Variants in NBPF9 observed in about 807,000 individuals in gnomAD.
NBPF9 encodes NBPF family member NBPF9.
Under a neutral mutation model 97.8 loss-of-function variants are expected in NBPF9, and 91 were observed. The observed-to-expected ratio is 0.93, with a 90% CI of 0.79 to 1.11. The LOEUF is 1.11. Ranked by LOEUF, NBPF9 falls within the 50% of genes least tolerant of loss-of-function variation. The pLI is 0.00. For missense variants in NBPF9, 992 were observed against 939.5 expected, an observed-to-expected ratio of 1.06 and a Z score of -0.73; for synonymous variants, 334 against 359.5, an observed-to-expected ratio of 0.93 and a Z score of 0.80.
intron 4 of NBPF9, among the ~76,000 whole-genome samples, chr1:149,094,659 T>C (rs2081626529): frequency 6.8e-6 from 1 of 148,146 alleles, no homozygotes; most frequent in Admixed American, 6.6e-5. Flanking sequence ...TAAACAAACT[T>C]TTAGGTTTCT....
intron 12 of NBPF9, among the ~76,000 whole-genome samples, chr1:149,075,157 A>G (rs1349761069): frequency 6.6e-6 from 1 of 151,768 alleles, no homozygotes. Context: ...CACAGGTTCT[A>G]TTAGGAGTAG....
At chr1:149,074,540 G>A (rs1400582348) in intron 12 of NBPF9, among the ~76,000 whole-genome samples, 1 of 151,436 alleles carries the variant, frequency 6.6e-6, no homozygotes, top group Non-Finnish European at 1.5e-5. Context: ...AACAGCTCAT[G>A]TAATTCACTG....
chr1:149,076,848 G>C (rs1362108161), intron 11 of NBPF9, among the ~76,000 whole-genome samples: 1 of 151,572 alleles, frequency 6.6e-6, no homozygotes, highest in African/African-American at 2.4e-5. Flanking sequence ...GAAAAGGAGA[G>C]AGAGTCTAGC....
At chr1:149,070,320 CAAAAAAA>C (rs3979925) in intron 16 of NBPF9, among the ~76,000 whole-genome samples, 44 of 47,810 alleles carry the variant, frequency 9.2e-4, no homozygotes, top group African/African-American at 3.2e-3. Flanking sequence ...GACTCCATCG[CAAAAAAA>C]AAAAAAAAAA....
chr1:149,103,428 T>A, exon 1 of NBPF9: 1 of 152,346 alleles, frequency 6.6e-6, no homozygotes, highest in Non-Finnish European at 1.5e-5. Flanking sequence ...AGCACCGCGT[T>A]CACTCAGAAG....
At chr1:149,078,855 T>C (rs1353735035) in intron 9 of NBPF9, among the ~76,000 whole-genome samples, 152 bp downstream of exon 9, 16 of 151,286 alleles carry the variant, frequency 1.1e-4, no homozygotes, top group South Asian at 2.1e-4. Context: ...TTCCCATCTC[T>C]GTTCTTACCC....
intron 16 of NBPF9, among the ~76,000 whole-genome samples, chr1:149,070,361 A>G (rs2079304739): frequency 6.7e-6 from 1 of 149,452 alleles, no homozygotes; most frequent in South Asian, 2.2e-4. Context: ...GATGCTACAA[A>G]GAAACATTGG....
intron 4 of NBPF9, among the ~76,000 whole-genome samples, chr1:149,097,856 C>G: frequency 6.6e-6 from 1 of 152,268 alleles, no homozygotes; most frequent in South Asian, 2.1e-4. Flanking sequence ...AATTCTAAGT[C>G]CCACAGGATT....
At chr1:149,064,882 G>T (rs1575829408) in intron 18 of NBPF9, 3 of 526,854 alleles carry the variant, frequency 5.7e-6, no homozygotes, top group Non-Finnish European at 1.0e-5. Flanking sequence ...ATTTGATGAG[G>T]GGGTGCAATG....
At chr1:149,095,805 A>C (rs868936998) in intron 4 of NBPF9, among the ~76,000 whole-genome samples, 143 of 152,134 alleles carry the variant, frequency 9.4e-4, no homozygotes, top group Middle Eastern at 6.8e-3. Context: ...GAACACACCA[A>C]ATGCTGTCGA....
Position 149,077,790 on chromosome 1 carries a change from C to A in NBPF9, c.566+93G>T. 7.0e-6 allele frequency: 11 copies of A among 1,560,874 alleles called. 1 individual carries two copies. The highest frequency in any genetic ancestry group is 9.7e-6 in the Non-Finnish European group (11 of 1,133,682). On this transcript the variant is annotated intron_variant, in intron 10 of 29. Coordinates refer to ENST00000584027, the Ensembl canonical transcript of NBPF9. ...CATACTGTGGCCAAGGGGATGCGGG[C>A]TTTTGGCCCACCATAGATGCCAGAG...
intron 24 of NBPF9, 139 bp downstream of exon 24, chr1:149,060,384 C>T: frequency 2.3e-6 from 1 of 438,468 alleles, no homozygotes; most frequent in Non-Finnish European, 4.2e-6. Context: ...ACTAGAGTTT[C>T]ATTCAACCTA....
chr1:149,060,300 G>A lies in NBPF9; in HGVS notation c.2476+223C>T, dbSNP rs1257180068. ...AATGTCATGAGGATAGGATCAGGGC[G>A]CCACAGGTATGGCCTGAGACTAGGA... On this transcript the variant is annotated intron_variant, in intron 24 of 29. Coordinates refer to ENST00000584027, the Ensembl canonical transcript of NBPF9. 219 of 381,886 alleles carry A rather than the reference G, an allele frequency of 5.7e-4. 57 individuals carry two copies. In the Middle Eastern group the frequency reaches 7.4e-3, roughly 13 times the overall value. 23.7% of individuals were successfully genotyped at this position (381,886 alleles called of 1,614,324 possible).
chr1:149,085,059 G>T (rs1162603134), intron 5 of NBPF9, among the ~76,000 whole-genome samples: 1 of 151,816 alleles, frequency 6.6e-6, no homozygotes, highest in African/African-American at 2.4e-5. Flanking sequence ...CCACAGCTTT[G>T]CCCACCTTTC....
intron 15 of NBPF9, among the ~76,000 whole-genome samples, 153 bp downstream of exon 15, chr1:149,071,451 G>A (rs1470467696): frequency 6.7e-6 from 1 of 148,210 alleles, no homozygotes; most frequent in Non-Finnish European, 1.5e-5. Context: ...CATGACAGCT[G>A]CCGCACCCTG....
exon 7 of NBPF9, chr1:149,082,028 G>T: frequency 6.2e-7 from 1 of 1,609,940 alleles, no homozygotes; most frequent in Non-Finnish European, 8.5e-7. Context: ...CTCTCTTTGA[G>T]GTTTCCGAAC....
At position 149,075,646 on chromosome 1, in the gene NBPF9, A is replaced by G. The variant is rs2079797707; in HGVS notation, c.988+9T>C. On this transcript the variant is annotated intron_variant, in intron 12 of 29. Transcript: ENST00000584027. ...ATCACTTTCGTGATGGTGAGCCTAT[A>G]GATCTTACTGTATTTGTTCTGCTGG... 6 of 1,606,406 alleles carry G rather than the reference A, an allele frequency of 3.7e-6. No homozygotes were observed. The Admixed American group carries it at 5.0e-5, about 13-fold the overall frequency.
In NBPF9 at chr1:149,062,177, C is replaced by A. The variant is rs782810431; in HGVS notation, c.2167G>T (p.Glu723Ter). 4 of 913,600 alleles carry A rather than the reference C, an allele frequency of 4.4e-6. No homozygotes were observed. In the East Asian group the frequency reaches 7.2e-5, roughly 17 times the overall value. 56.6% of individuals were successfully genotyped at this position (913,600 alleles called of 1,614,324 possible). A position where few individuals can be genotyped will look rare whatever the true frequency, so the allele number is the denominator to read the frequency against. The change falls in exon 22 of 30, where the codon GAA (glutamate) becomes TAA (stop). Residue 723 changes from glutamate (E) to a stop codon, truncating the protein, a stop_gained. Coordinates refer to ENST00000584027, the Ensembl canonical transcript of NBPF9. LOFTEE classifies it high-confidence loss of function. ...TAGGGCTGGCCTAAGTCAGGCAGTT[C>A]AAGATAACCTGAAGGAGTCGAATAC...
In NBPF9 at chr1:149,084,693, C is replaced by G. The variant is rs587744338; in HGVS notation, c.-194-2263G>C. Among the ~76,000 whole-genome samples, 2 of 151,544 alleles carry G rather than the reference C, an allele frequency of 1.3e-5. 1 individual carries two copies. Among genetic ancestry groups the G allele is most frequent in the African/African-American group, 4.9e-5 (2 of 41,212 alleles). On this transcript the variant is annotated intron_variant, in intron 5 of 29. Coordinates refer to ENST00000584027, the Ensembl canonical transcript of NBPF9. ...ACAAGGACCCACCTTCCATCTGGGC[C>G]GCCGTCCCAGGGAAAACCTTCCTCA...
Sources: allele counts gnomAD v4.1 joint callset (sites outside exome capture counted in the v4.1 genomes callset), GRCh38; gene constraint gnomAD v4.1.1; transcripts MANE v1.5; gene names NCBI Gene and HGNC (gene_info 2026-07-23, HGNC 2026-07-21).